Variants in CARMIL1 observed in about 807,000 individuals in gnomAD.
The protein encoded by CARMIL1 is capping protein regulator and myosin 1 linker 1, also known as F-actin-uncapping protein LRRC16A.
Under a neutral mutation model 177.1 loss-of-function variants are expected in CARMIL1, and 90 were observed. The observed-to-expected ratio is 0.51, with a 90% CI of 0.43 to 0.61. The LOEUF (loss-of-function observed/expected upper bound fraction) is 0.61. Ranked by LOEUF, CARMIL1 falls within the 20% of genes least tolerant of loss-of-function variation. The pLI, the probability that CARMIL1 is intolerant of heterozygous loss-of-function variation, is 0.00. For missense variants in CARMIL1, 1,380 were observed against 1,667.0 expected (o/e 0.83, Z 3.00); for synonymous variants, 577 against 606.2 (o/e 0.95, Z 0.71).
chr6:25,593,967 G>A (rs555607616), intron 31 of CARMIL1, among the ~76,000 whole-genome samples: 99 of 152,224 alleles, frequency 6.5e-4, no homozygotes, highest in African/African-American at 2.4e-3. Flanking sequence ...GAGGGTTAGG[G>A]GAAGCCAGTA....
chr6:25,383,421 A>G (rs1791804092), intron 2 of CARMIL1, among the ~76,000 whole-genome samples: 2 of 152,220 alleles, frequency 1.3e-5, no homozygotes. Flanking sequence ...GAAGAGGGTA[A>G]TGTCCTTCTG....
intron 31 of CARMIL1, among the ~76,000 whole-genome samples, chr6:25,591,991 G>T (rs996429328): frequency 6.6e-6 from 1 of 152,096 alleles, no homozygotes; most frequent in African/African-American, 2.4e-5. Flanking sequence ...TTCCAAGCAG[G>T]AAAAGAGAAA....
At chr6:25,420,417 T>TC in intron 3 of CARMIL1, 1 of 438,204 alleles carries the variant, frequency 2.3e-6, no homozygotes, top group East Asian at 4.0e-5. Flanking sequence ...ACTCCTTTGT[T>TC]CCCTCTCTTT....
chr6:25,410,616 CG>C (rs368491882), intron 2 of CARMIL1, among the ~76,000 whole-genome samples: 18 of 151,964 alleles, frequency 1.2e-4, no homozygotes, highest in African/African-American at 4.1e-4. Flanking sequence ...GGGACTTTTG[CG>C]CCCTAGGCTT....
intron 13 of CARMIL1, among the ~76,000 whole-genome samples, 193 bp from the exon 14 acceptor site, chr6:25,491,539 A>G (rs1451648012): frequency 6.6e-6 from 1 of 152,202 alleles, no homozygotes; most frequent in Non-Finnish European, 1.5e-5. Context: ...TAACTCAAAC[A>G]TAATTTTAAC....
chr6:25,306,455 A>G (rs1329188909), intron 2 of CARMIL1, among the ~76,000 whole-genome samples: 1 of 152,104 alleles, frequency 6.6e-6, no homozygotes, highest in East Asian at 1.9e-4. Context: ...TTGATGCTCG[A>G]TGATCTGAGG....
intron 2 of CARMIL1, among the ~76,000 whole-genome samples, chr6:25,307,488 A>G (rs1267140402): frequency 6.6e-6 from 1 of 152,244 alleles, no homozygotes; most frequent in Non-Finnish European, 1.5e-5. Flanking sequence ...GATGTGCAAC[A>G]TATTCTAAAG....
chr6:25,504,337 G>A (rs1185571691), intron 17 of CARMIL1, among the ~76,000 whole-genome samples: 1 of 152,088 alleles, frequency 6.6e-6, no homozygotes, highest in Admixed American at 6.5e-5. Flanking sequence ...CCATATGCTG[G>A]TTCCTTTATT....
At chr6:25,616,375 C>G (rs1329861908) in intron 36 of CARMIL1, among the ~76,000 whole-genome samples, 2 of 152,062 alleles carry the variant, frequency 1.3e-5, no homozygotes, top group African/African-American at 4.8e-5. Context: ...TGAGACCAGC[C>G]TGGGCAACAA....
intron 2 of CARMIL1, among the ~76,000 whole-genome samples, chr6:25,410,051 A>G (rs1455666111): frequency 1.3e-5 from 2 of 152,008 alleles, no homozygotes; most frequent in African/African-American, 4.8e-5. Context: ...CTGATTATAT[A>G]TGTAATGGTG....
chr6:25,434,377 A>AT (rs955194391), intron 4 of CARMIL1, among the ~76,000 whole-genome samples: 12 of 152,100 alleles, frequency 7.9e-5, no homozygotes, highest in African/African-American at 2.4e-4. Context: ...CAGTCTCAAC[A>AT]TTTTTTGACA....
At chr6:25,502,274 A>G (rs547016667) in intron 17 of CARMIL1, among the ~76,000 whole-genome samples, 86 of 151,880 alleles carry the variant, frequency 5.7e-4, no homozygotes, top group African/African-American at 2.1e-3. Flanking sequence ...CAAAAAAAAA[A>G]CACCAGGCTG....
At chr6:25,517,922 T>G (rs1391070748) in intron 22 of CARMIL1, among the ~76,000 whole-genome samples, 1 of 152,248 alleles carries the variant, frequency 6.6e-6, no homozygotes. Flanking sequence ...GCAATTATTA[T>G]TTATTGTTGA....
intron 3 of CARMIL1, among the ~76,000 whole-genome samples, chr6:25,425,489 T>C (rs1796209032): frequency 6.6e-6 from 1 of 152,156 alleles, no homozygotes; most frequent in Non-Finnish European, 1.5e-5. Flanking sequence ...CTCTTGTGGG[T>C]TTGGTTCTGG....
At chr6:25,413,979 TCTTA>T (rs1184864444) in intron 2 of CARMIL1, among the ~76,000 whole-genome samples, 5 of 152,222 alleles carry the variant, frequency 3.3e-5, no homozygotes, top group African/African-American at 1.2e-4. Flanking sequence ...AGCAACTTAA[TCTTA>T]CTTTGTGAAA....
intron 2 of CARMIL1, among the ~76,000 whole-genome samples, chr6:25,413,365 A>C (rs1405268952): frequency 6.6e-6 from 1 of 152,170 alleles, no homozygotes; most frequent in Non-Finnish European, 1.5e-5. Flanking sequence ...TGCATGAGAG[A>C]ATGTGGATTT....
intron 12 of CARMIL1, among the ~76,000 whole-genome samples, chr6:25,482,569 T>C (rs1802224785): frequency 6.6e-6 from 1 of 152,246 alleles, no homozygotes; most frequent in African/African-American, 2.4e-5. Context: ...GACATGTACA[T>C]GCAGTCTTTA....
chr6:25,345,310 C>T (rs1258409670), intron 2 of CARMIL1, among the ~76,000 whole-genome samples: 1 of 152,142 alleles, frequency 6.6e-6, no homozygotes, highest in Non-Finnish European at 1.5e-5. Context: ...TTGCTAATTC[C>T]TTATCGCTCC....
chr6:25,534,800 T>G (rs1229617182), intron 24 of CARMIL1, among the ~76,000 whole-genome samples: 5 of 152,154 alleles, frequency 3.3e-5, no homozygotes, highest in African/African-American at 1.2e-4. Flanking sequence ...TGGCAAGGGG[T>G]AACCTTTTTC....
Sources: gnomAD v4.1 joint callset for allele counts (sites outside exome capture counted in the v4.1 genomes callset) on GRCh38, gnomAD v4.1.1 for gene constraint, MANE v1.5 for transcripts, NCBI Gene and HGNC (gene_info 2026-07-23, HGNC 2026-07-21) for gene names.